GPR26: variants seen among roughly 807,000 people sequenced by gnomAD.
GPR26 encodes the protein G protein-coupled receptor 26.
GPR26 carries 15 observed loss-of-function variants against 23.1 expected under a neutral mutation model. The observed-to-expected ratio is 0.65, with a 90% CI of 0.43 to 1.00. The LOEUF (loss-of-function observed/expected upper bound fraction) is 1.00, where lower values mean the gene tolerates loss of function less well. Among genes scored for constraint, GPR26 ranks in the 50% least tolerant of loss-of-function variants. GPR26 has a pLI of 0.00. For missense variants in GPR26, 359 were observed against 470.5 expected (o/e 0.76, Z 2.19); for synonymous variants, 228 against 222.1 (o/e 1.03, Z -0.24).
intron 2 of GPR26, among the ~76,000 whole-genome samples, chr10:123,675,935 AG>A (rs1845305584): frequency 6.6e-6 from 1 of 151,526 alleles, no homozygotes; most frequent in Non-Finnish European, 1.5e-5. Context: ...AGGAACCAGG[AG>A]GGGCACCCCT....
rs1564730721 is a variant in GPR26 at position 123,674,601 on chromosome 10, T to C, written c.669-217T>C. 2.0e-5 allele frequency among the ~76,000 whole-genome samples: 3 copies of C among 152,216 alleles called. No individual in the cohort carries two copies. Among genetic ancestry groups the C allele is most frequent in the African/African-American group, 7.2e-5 (3 of 41,458 alleles). On this transcript the variant is annotated intron_variant, in intron 1 of 2. Transcript: ENST00000284674. The surrounding 1 kb of genome is among the most constrained non-coding windows in gnomAD (Gnocchi z 4.1). Reference sequence around the variant, plus strand: ...ATGTGTAATACACTAAAATATATGATGCATATTATTATTTTACACAGGAGG... The same window carrying C: ...ATGTGTAATACACTAAAATATATGACGCATATTATTATTTTACACAGGAGG...
chr10:123,670,591 C>T lies in GPR26; in HGVS notation c.668+3516C>T, dbSNP rs189129572. 7.5e-4 allele frequency among the ~76,000 whole-genome samples: 114 copies of T among 152,348 alleles called. 2 individuals are homozygous for T. The highest frequency in any genetic ancestry group is 7.4e-3 in the Admixed American group (113 of 15,310). On this transcript the variant is annotated intron_variant, in intron 1 of 2. Transcript: ENST00000284674. ...TCTCAGGCTCCTTGGGGATCAACCT[C>T]ATATGTGCTGGGAGAGCCGAGCTGG...
chr10:123,687,960 G>A lies in GPR26; in HGVS notation c.814G>A (p.Gly272Ser), dbSNP rs953549609. 7 of 1,613,618 alleles carry A rather than the reference G, an allele frequency of 4.3e-6. No individual in the cohort carries two copies. The highest frequency in any genetic ancestry group is 1.7e-5 in the Admixed American group (1 of 60,020). ...LVELFSTVPI[G>S]SHWGVLSKCL... is the part of the protein sequence containing the mutation. ...GGAGCTCTTCTCCACGGTGCCCATC[G>A]GCTCCCACTGGGGGGTGCTGTCCAA... Residue 272 changes from glycine (G) to serine (S), a missense_variant, in exon 3 of 3, where the codon GGC becomes AGC. Coordinates refer to ENST00000284674, the MANE Select transcript of GPR26 (RefSeq NM_153442.4).
intron 2 of GPR26, 130 bp from the exon 3 acceptor site, chr10:123,687,799 G>A (rs772573418): frequency 4.9e-5 from 31 of 628,052 alleles, no homozygotes; most frequent in Non-Finnish European, 7.7e-5. Flanking sequence ...ATTTGAGGAG[G>A]CAGTCTCAGA....
chr10:123,682,726 T>C (rs779018777), intron 2 of GPR26, among the ~76,000 whole-genome samples: 1 of 152,238 alleles, frequency 6.6e-6, no homozygotes, highest in Non-Finnish European at 1.5e-5. Context: ...AGCACCATTA[T>C]TGTGGCTTTT....
rs115866625 is a variant in GPR26, at chr10:123,680,987, G to A, written c.782+6056G>A. On this transcript the variant is annotated intron_variant, in intron 2 of 2. Transcript: ENST00000284674. ...CCCGAGTAGCTGGGACTGCAGGTGCGCACCATCAGGCTGGGTGATTCTGAT... is the reference window on the plus strand; with the variant it reads ...CCCGAGTAGCTGGGACTGCAGGTGCACACCATCAGGCTGGGTGATTCTGAT... Among the ~76,000 whole-genome samples, 1,509 of 152,090 alleles carry A rather than the reference G, an allele frequency of 9.9e-3. 25 individuals are homozygous for A. Among genetic ancestry groups the A allele is most frequent in the African/African-American group, 0.035 (1,439 of 41,496 alleles).
At chr10:123,676,642 TCAGGGTTTTCCACAAGACACAAAGCC>T (rs1246272732) in intron 2 of GPR26, among the ~76,000 whole-genome samples, 2 of 152,176 alleles carry the variant, frequency 1.3e-5, no homozygotes, top group African/African-American at 2.4e-5. Flanking sequence ...CTTACATCAT[TCAGGGTTTTCCACAAGACACAAAGCC>T]CAGGCAACAG....
intron 1 of GPR26, among the ~76,000 whole-genome samples, chr10:123,671,069 G>A (rs920573663): frequency 1.3e-5 from 2 of 152,156 alleles, no homozygotes; most frequent in Admixed American, 6.6e-5. Context: ...CAGTCGGCTT[G>A]TTCCCTTGCC....
chr10:123,684,171 G>A (rs768442831), intron 2 of GPR26, among the ~76,000 whole-genome samples: 6 of 152,188 alleles, frequency 3.9e-5, no homozygotes, highest in African/African-American at 9.7e-5. Flanking sequence ...GTCCCAGAGA[G>A]CACACGGAAA....
At chr10:123,668,071 C>T (rs1296740671) in intron 1 of GPR26, among the ~76,000 whole-genome samples, 1 of 152,054 alleles carries the variant, frequency 6.6e-6, no homozygotes, top group Non-Finnish European at 1.5e-5. Context: ...CAGATGGTGT[C>T]GCAGGTGAGG....
At position 123,676,195 on chromosome 10, in the gene GPR26, C is replaced by A. The variant is rs147331048; in HGVS notation, c.782+1264C>A. 6.3e-3 allele frequency among the ~76,000 whole-genome samples: 966 copies of A among 152,254 alleles called. 8 individuals carry two copies. Among genetic ancestry groups the A allele is most frequent in the Middle Eastern group, 0.02 (6 of 294 alleles). Reference sequence around the variant, plus strand: ...TCTCTTCTTCTTTTCCCCAGATAGACAACTCTGGGGTGCCTTCCCCTGTCT... The same window carrying A: ...TCTCTTCTTCTTTTCCCCAGATAGAAAACTCTGGGGTGCCTTCCCCTGTCT... On this transcript the variant is annotated intron_variant, in intron 2 of 2. Transcript: ENST00000284674.
At chr10:123,667,561 CTG>C (rs71026066) in intron 1 of GPR26, among the ~76,000 whole-genome samples, 11,458 of 124,868 alleles carry the variant, frequency 0.092, 543 homozygotes, top group South Asian at 0.14. Context: ...TGTCTCACGA[CTG>C]TGTGTGTGTG....
At chr10:123,677,957 A>G (rs1400348010) in intron 2 of GPR26, among the ~76,000 whole-genome samples, 1 of 152,074 alleles carries the variant, frequency 6.6e-6, no homozygotes, top group East Asian at 1.9e-4. Flanking sequence ...AAATTAATAC[A>G]TTTTTGGCCA....
At position 123,674,502 on chromosome 10, in the gene GPR26, G is replaced by T. The variant is rs992214577; in HGVS notation, c.669-316G>T. Reference sequence around the variant, plus strand: ...GGTGGCTTTGTGTGCTTCACACATGGAATGCATTCCATGCATCTCTGTGCT... The same window carrying T: ...GGTGGCTTTGTGTGCTTCACACATGTAATGCATTCCATGCATCTCTGTGCT... On this transcript the variant is annotated intron_variant, in intron 1 of 2. Coordinates refer to ENST00000284674, the MANE Select transcript of GPR26 (RefSeq NM_153442.4). The surrounding 1 kb of genome is among the most constrained non-coding windows in gnomAD (Gnocchi z 4.1). 6.6e-6 allele frequency among the ~76,000 whole-genome samples: 1 copy of T among 152,200 alleles called. No homozygotes were observed.
chr10:123,666,394 G>A lies in GPR26; in HGVS notation c.-14G>A, dbSNP rs746486201. 1.5e-6 allele frequency: 2 copies of A among 1,374,300 alleles called. No homozygotes were observed. Among genetic ancestry groups the A allele is most frequent in the African/African-American group, 1.5e-5 (1 of 65,680 alleles). The allele number at this position is 1,374,300 out of a possible 1,614,324, so 85.1% of individuals were successfully genotyped here. On this transcript the variant is annotated 5_prime_UTR_variant, in exon 1 of 3. Coordinates refer to ENST00000284674, the MANE Select transcript of GPR26 (RefSeq NM_153442.4). ...CGGGTTGCGGACCCTGAGCGCCGGC[G>A]CGGGGCGCGCACCATGAACTCGTGG...
intron 2 of GPR26, among the ~76,000 whole-genome samples, chr10:123,687,389 T>C (rs1207932412): frequency 6.6e-6 from 1 of 152,216 alleles, no homozygotes; most frequent in South Asian, 2.1e-4. Context: ...TAAAAGATCA[T>C]TGAGACGATA....
Position 123,666,588 on chromosome 10 carries a change from C to T in GPR26, c.181C>T (p.Pro61Ser). The change falls in exon 1 of 3, where the codon CCG becomes TCG. Residue 61 changes from proline to serine, a missense_variant. Pro to Ser is a moderately conservative substitution (Grantham distance 74). Coordinates refer to ENST00000284674, the MANE Select transcript of GPR26 (RefSeq NM_153442.4). ...GNLLCTVVNM[P>S]LTLAGVVAQR... ...CCTGCTGTGCACCGTGGTCAACATGCCGCTCACGCTGGCCGGCGTCGTGGC... is the reference window on the plus strand; with the variant it reads ...CCTGCTGTGCACCGTGGTCAACATGTCGCTCACGCTGGCCGGCGTCGTGGC... The T allele has an allele frequency of 6.3e-7, 1 of 1,595,230 alleles. No homozygotes were observed. Among genetic ancestry groups the T allele is most frequent in the Non-Finnish European group, 8.5e-7 (1 of 1,173,118 alleles).
chr10:123,691,537 T>C lies in GPR26; in HGVS notation c.*3377T>C, dbSNP rs964250402. ...CTTCCCATGGCTACAGTGTGACCCT[T>C]GGAGGAACCAAAGGCTGTGCATTGT... On this transcript the variant is annotated 3_prime_UTR_variant, in exon 3 of 3. Coordinates refer to ENST00000284674, the MANE Select transcript of GPR26 (RefSeq NM_153442.4). The C allele has an allele frequency of 2.0e-5, 3 of 152,170 alleles. No individual in the cohort carries two copies. Among genetic ancestry groups the C allele is most frequent in the African/African-American group, 7.2e-5 (3 of 41,430 alleles). The allele number at this position is 152,170 out of a possible 1,614,324, so 9.4% of individuals were successfully genotyped here.
chr10:123,675,761 T>C (rs935075345), intron 2 of GPR26, among the ~76,000 whole-genome samples: 3 of 148,904 alleles, frequency 2.0e-5, no homozygotes, highest in Non-Finnish European at 4.5e-5. Flanking sequence ...ATGGAAGCTT[T>C]CATTGAATCT....
Sources: allele counts gnomAD v4.1 joint callset (sites outside exome capture counted in the v4.1 genomes callset), GRCh38; gene constraint gnomAD v4.1.1; non-coding constraint Gnocchi (gnomAD v3.1); transcripts MANE v1.5; gene names NCBI Gene and HGNC (gene_info 2026-07-23, HGNC 2026-07-21).